Variants in THBS1 observed in about 807,000 individuals in gnomAD.
The protein encoded by THBS1 is thrombospondin 1.
A neutral mutation model predicts 126.1 loss-of-function variants in THBS1; 29 were observed. That is an observed-to-expected ratio of 0.23 (90% CI 0.17 to 0.31). THBS1 has a LOEUF of 0.31. Among genes scored for constraint, THBS1 ranks in the 10% least tolerant of loss-of-function variants. The probability of loss-of-function intolerance (pLI) is 1.00; values close to 1 mark genes in which losing one functional copy is unlikely to be tolerated. For synonymous variants in THBS1, 496 were observed against 577.8 expected (o/e 0.86, Z 2.03); for missense variants, 1,198 against 1,545.2 (o/e 0.78, Z 3.77).
intron 3 of THBS1, 99 bp downstream of exon 3, chr15:39,582,851 C>A: frequency 7.5e-7 from 1 of 1,329,812 alleles, no homozygotes; most frequent in Non-Finnish European, 1.0e-6. Flanking sequence ...ACTAACGCAG[C>A]AGTTCTCAGA....
chr15:39,593,694 G>A lies in THBS1; in HGVS notation c.3267+26G>A. 2 of 1,609,742 alleles carry A rather than the reference G, an allele frequency of 1.2e-6. No individual in the cohort carries two copies. Among genetic ancestry groups the A allele is most frequent in the Non-Finnish European group, 8.5e-7 (1 of 1,178,282 alleles). ...GTAAGAAGCAAAGCCCTGGAACAGA[G>A]AGAGAGCTTATGGGTGCCTGACTAG... On this transcript the variant is annotated intron_variant, in intron 19 of 21. Coordinates refer to ENST00000260356, the MANE Select transcript of THBS1 (RefSeq NM_003246.4). This position sits in a 1 kb window ranked among gnomAD's most constrained non-coding sequence, Gnocchi z 5.9.
In THBS1 at chr15:39,593,890, C is replaced by CA. The variant is rs1395806509; in HGVS notation, c.3268-202dup. ...CTAAGGTGCCTTCAGCCTTTTCAAA[C>CA]AAAAAAACCTCCTTCCCTCCTCTCT... is the stretch of plus-strand genomic sequence containing the variant. On this transcript the variant is annotated intron_variant, in intron 19 of 21. Transcript: ENST00000260356. The surrounding 1 kb of genome is among the most constrained non-coding windows in gnomAD (Gnocchi z 5.9). 8 of 895,828 alleles carry CA rather than the reference C, an allele frequency of 8.9e-6. No homozygotes were observed. The East Asian group carries it at 1.3e-4, about 15-fold the overall frequency. The allele number at this position is 895,828 out of a possible 1,614,324, so 55.5% of individuals were successfully genotyped here. A position where few individuals can be genotyped will look rare whatever the true frequency, so the allele number is the denominator to read the frequency against.
At position 39,594,534 on chromosome 15, in the gene THBS1, G is replaced by A. The variant is rs758491061; in HGVS notation, c.3505+94G>A. 6.7e-7 allele frequency: 1 copy of A among 1,500,188 alleles called. No homozygotes were observed. Among genetic ancestry groups the A allele is most frequent in the Non-Finnish European group, 8.9e-7 (1 of 1,118,782 alleles). 92.9% of individuals were successfully genotyped at this position (1,500,188 alleles called of 1,614,324 possible). A position where few individuals can be genotyped will look rare whatever the true frequency, so the allele number is the denominator to read the frequency against. On this transcript the variant is annotated intron_variant, in intron 21 of 21. Transcript: ENST00000260356. The surrounding 1 kb of genome is among the most constrained non-coding windows in gnomAD (Gnocchi z 4.4). ...TATGGGGGAGTCCAGTGTAAAGACT[G>A]TTTTGGAGACAGGGTTATTTCTATT... is the stretch of plus-strand genomic sequence containing the variant.
At position 39,594,732 on chromosome 15, in the gene THBS1, T is replaced by C. The variant is rs7497585; in HGVS notation, c.3505+292T>C. Among the ~76,000 whole-genome samples the C allele has an allele frequency of 6.6e-6, 1 of 152,238 alleles. No individual in the cohort carries two copies. Among genetic ancestry groups the C allele is most frequent in the Admixed American group, 6.5e-5 (1 of 15,288 alleles). ...TATATAATTTGGACTTCATTAATAA[T>C]ACTGTTCTTTACAATTATATATTTA... On this transcript the variant is annotated intron_variant, in intron 21 of 21. Coordinates refer to ENST00000260356, the MANE Select transcript of THBS1 (RefSeq NM_003246.4). This position sits in a 1 kb window ranked among gnomAD's most constrained non-coding sequence, Gnocchi z 4.4.
chr15:39,584,490 TAC>T, intron 6 of THBS1, 68 bp downstream of exon 6: 1 of 1,589,784 alleles, frequency 6.3e-7, no homozygotes, highest in East Asian at 2.2e-5. Context: ...TTTGGGGAAA[TAC>T]CCTAATCGCC....
intron 3 of THBS1, among the ~76,000 whole-genome samples, chr15:39,583,396 C>A (rs1315232504): frequency 6.6e-6 from 1 of 152,196 alleles, no homozygotes; most frequent in Admixed American, 6.5e-5. Context: ...TAACTGAATT[C>A]TTTGTAAAAT....
At position 39,593,364 on chromosome 15, in the gene THBS1, A is replaced by G; in HGVS notation, c.2996-33A>G. The G allele has an allele frequency of 6.2e-7, 1 of 1,613,246 alleles. No individual in the cohort carries two copies. Among genetic ancestry groups the G allele is most frequent in the Non-Finnish European group, 8.5e-7 (1 of 1,179,480 alleles). On this transcript the variant is annotated intron_variant, in intron 18 of 21. Coordinates refer to ENST00000260356, the MANE Select transcript of THBS1 (RefSeq NM_003246.4). The surrounding 1 kb of genome is among the most constrained non-coding windows in gnomAD (Gnocchi z 5.9). ...TGATGGAGAACCTTCTGAAGGCTGC[A>G]GGTTTTAACCTGGCTCTGGGCTCTT... is the stretch of plus-strand genomic sequence containing the variant.
rs770682639 is a variant in THBS1 at position 39,589,382 on chromosome 15, A to G, written c.1926+28A>G. The G allele has an allele frequency of 9.3e-6, 15 of 1,612,600 alleles. No individual in the cohort carries two copies. The highest frequency in any genetic ancestry group is 1.2e-5 in the Non-Finnish European group (14 of 1,179,438). ...ACAGTCAACTAGACGAGTAAACCAG[A>G]GGACAGGAGAGCTGTCCTTGACCAA... On this transcript the variant is annotated intron_variant, in intron 12 of 21. Coordinates refer to ENST00000260356, the MANE Select transcript of THBS1 (RefSeq NM_003246.4). This position sits in a 1 kb window ranked among gnomAD's most constrained non-coding sequence, Gnocchi z 4.7.
At position 39,594,385 on chromosome 15, in the gene THBS1, G is replaced by C. The variant is rs1566842629; in HGVS notation, c.3450G>C (p.Leu1150Phe). The change falls in exon 21 of 22, where the codon TTG becomes TTC. Residue 1150 changes from leucine (L) to phenylalanine (F), a missense_variant. Transcript: ENST00000260356. This position sits in a 1 kb window ranked among gnomAD's most constrained non-coding sequence, Gnocchi z 4.4. ...CCTATGCTGGTGGTAGACTAGGGTTGTTTGTCTTCTCTCAAGAAATGGTGT... is the reference window on the plus strand; with the variant it reads ...CCTATGCTGGTGGTAGACTAGGGTTCTTTGTCTTCTCTCAAGAAATGGTGT... ...DKTYAGGRLG[L>F]FVFSQEMVFF... 6.2e-7 allele frequency: 1 copy of C among 1,614,204 alleles called. No homozygotes were observed. Among genetic ancestry groups the C allele is most frequent in the Non-Finnish European group, 8.5e-7 (1 of 1,180,028 alleles).
At chr15:39,581,681 A>C in intron 1 of THBS1, 148 bp from the exon 2 acceptor site, 2 of 501,480 alleles carry the variant, frequency 4.0e-6, no homozygotes, top group Non-Finnish European at 6.9e-6. Flanking sequence ...GCTCTCTGGA[A>C]AGTAATCCTG....
In THBS1 at chr15:39,592,823, T is replaced by G; in HGVS notation, c.2767+21T>G. ...TGACGGTGAGTCATGGGAGCCACTT[T>G]CTAAGACAGGGACTGCTGGCACAGC... is the stretch of plus-strand genomic sequence containing the variant. On this transcript the variant is annotated intron_variant, in intron 17 of 21. Coordinates refer to ENST00000260356, the MANE Select transcript of THBS1 (RefSeq NM_003246.4). The surrounding 1 kb of genome is among the most constrained non-coding windows in gnomAD (Gnocchi z 4.3). 2 of 1,603,880 alleles carry G rather than the reference T, an allele frequency of 1.2e-6. No individual in the cohort carries two copies. The highest frequency in any genetic ancestry group is 1.7e-6 in the Non-Finnish European group (2 of 1,173,662).
In THBS1 at chr15:39,582,279, C is replaced by CCCGA; in HGVS notation, c.157_160dup (p.Pro54ArgfsTer20). 6.2e-7 allele frequency: 1 copy of CCCGA among 1,614,170 alleles called. No homozygotes were observed. On this transcript the variant is annotated frameshift_variant, in exon 3 of 22. Transcript: ENST00000260356. LOFTEE classifies it high-confidence loss of function. The stretch of plus-strand genomic sequence containing the variant: ...GTCTGGGCGCCGACTGGTGAAGGGC[C>CCCGA]CCGACCCTTCCAGCCCAGCTTTCCG...
At chr15:39,587,592 CAGCATGTATAT>C in intron 8 of THBS1, 72 bp downstream of exon 8, 1 of 1,449,216 alleles carries the variant, frequency 6.9e-7, no homozygotes, top group Non-Finnish European at 9.3e-7. Context: ...GGCAGCTCCA[CAGCATGTATAT>C]TAAGAACACG....
In THBS1 at chr15:39,593,214, T is replaced by C. The variant is rs1453576616; in HGVS notation, c.2982T>C (p.Pro994=). The part of the protein sequence containing the change: ...KELVQTVNCD[P]GLAVGYDEFN... ...TCGTCCAGACTGTCAACTGTGATCC[T>C]GGACTCGCTGTAGGTGAGTAGCGAG... The change falls in exon 18 of 22, where the codon CCT becomes CCC. Residue 994 remains proline (P), a synonymous_variant. Coordinates refer to ENST00000260356, the MANE Select transcript of THBS1 (RefSeq NM_003246.4). The surrounding 1 kb of genome is among the most constrained non-coding windows in gnomAD (Gnocchi z 5.9). 14 of 1,614,090 alleles carry C rather than the reference T, an allele frequency of 8.7e-6. No individual in the cohort carries two copies. The highest frequency in any genetic ancestry group is 1.2e-5 in the Non-Finnish European group (14 of 1,179,980).
At position 39,595,775 on chromosome 15, in the gene THBS1, C is replaced by T; in HGVS notation, c.*406C>T. 1 of 468,196 alleles carries T rather than the reference C, an allele frequency of 2.1e-6. No homozygotes were observed. Among genetic ancestry groups the T allele is most frequent in the South Asian group, 1.5e-5 (1 of 64,670 alleles). The allele number at this position is 468,196 out of a possible 1,614,324, so 29.0% of individuals were successfully genotyped here. Reference sequence around the variant, plus strand: ...GGGAGGACTCACTAGAATTAGCAAACAAAACCACCCTGACATCCTCCTTCA... The same window carrying T: ...GGGAGGACTCACTAGAATTAGCAAATAAAACCACCCTGACATCCTCCTTCA... On this transcript the variant is annotated 3_prime_UTR_variant, in exon 22 of 22. Transcript: ENST00000260356.
chr15:39,589,799 C>T lies in THBS1; in HGVS notation c.1927-6C>T. The T allele has an allele frequency of 6.2e-7, 1 of 1,602,278 alleles. No homozygotes were observed. The highest frequency in any genetic ancestry group is 8.5e-7 in the Non-Finnish European group (1 of 1,173,950). ...TCTGTGTAACAGCAGCATGGTGTACCCTCAGGTGTGCAAGCCCCGTAACCC... is the reference window on the plus strand; with the variant it reads ...TCTGTGTAACAGCAGCATGGTGTACTCTCAGGTGTGCAAGCCCCGTAACCC... On this transcript the variant is annotated splice_region_variant and splice_polypyrimidine_tract_variant and intron_variant, in intron 12 of 21. Coordinates refer to ENST00000260356, the MANE Select transcript of THBS1 (RefSeq NM_003246.4). This position sits in a 1 kb window ranked among gnomAD's most constrained non-coding sequence, Gnocchi z 4.7.
chr15:39,596,936 A>G lies in THBS1; in HGVS notation c.*1567A>G, dbSNP rs2140353460. On this transcript the variant is annotated 3_prime_UTR_variant, in exon 22 of 22. Coordinates refer to ENST00000260356, the MANE Select transcript of THBS1 (RefSeq NM_003246.4). ...TAAAGAATTTTTGGATCAAGCGGAA[A>G]GAGTTTAAGTGTCTAACAAACTTAA... The G allele has an allele frequency of 6.6e-6, 1 of 152,388 alleles. No homozygotes were observed. Among genetic ancestry groups the G allele is most frequent in the East Asian group, 1.9e-4 (1 of 5,192 alleles). 9.4% of individuals were successfully genotyped at this position (152,388 alleles called of 1,614,324 possible). A position where few individuals can be genotyped will look rare whatever the true frequency, so the allele number is the denominator to read the frequency against.
Position 39,589,448 on chromosome 15 carries a change from C to CA in THBS1, c.1926+94_1926+95insA. On this transcript the variant is annotated intron_variant, in intron 12 of 21. Transcript: ENST00000260356. This position sits in a 1 kb window ranked among gnomAD's most constrained non-coding sequence, Gnocchi z 4.7. ...GAGGAATGTAATTTCATACCCTTCA[C>CA]CAAAAAAAAAAGGGCGAGGAGATGA... The CA allele has an allele frequency of 6.9e-7, 1 of 1,459,562 alleles. No individual in the cohort carries two copies. The highest frequency in any genetic ancestry group is 9.2e-7 in the Non-Finnish European group (1 of 1,092,006). The allele number at this position is 1,459,562 out of a possible 1,614,324, so 90.4% of individuals were successfully genotyped here.
Position 39,588,175 on chromosome 15 carries a change from C to G in THBS1, c.1428C>G (p.Gly476=). The G allele has an allele frequency of 6.2e-7, 1 of 1,614,154 alleles. No individual in the cohort carries two copies. Among genetic ancestry groups the G allele is most frequent in the Non-Finnish European group, 8.5e-7 (1 of 1,180,032 alleles). Residue 476 remains glycine, a synonymous_variant, in exon 9 of 22, where the codon GGC becomes GGG. Coordinates refer to ENST00000260356, the MANE Select transcript of THBS1 (RefSeq NM_003246.4). ...AGATGAACGGGAAACCCTGTGAAGG[C>G]GAAGCGCGGGAGACCAAAGCCTGCA... The part of the protein sequence containing the change: ...SPQMNGKPCE[G]EARETKACKK...
Sources: allele counts gnomAD v4.1 joint callset (sites outside exome capture counted in the v4.1 genomes callset), GRCh38; gene constraint gnomAD v4.1.1; non-coding constraint Gnocchi (gnomAD v3.1); transcripts MANE v1.5; gene names NCBI Gene and HGNC (gene_info 2026-07-23, HGNC 2026-07-21).